Variants in APP observed in about 807,000 individuals in gnomAD.
APP encodes amyloid beta precursor protein.
In APP, 31 loss-of-function variants were observed where a neutral mutation model predicts 101.4. The ratio of observed to expected loss-of-function variants is 0.31; its 90% CI spans 0.23 to 0.41. The LOEUF is 0.41. Among genes scored for constraint, APP ranks in the 10% least tolerant of loss-of-function variants. The pLI, the probability that APP is intolerant of heterozygous loss-of-function variation, is 1.00. For synonymous variants in APP, 366 were observed against 364.4 expected (o/e 1.00, Z -0.05); for missense variants, 839 against 1,003.7 (o/e 0.84, Z 2.22).
intron 13 of APP, among the ~76,000 whole-genome samples, chr21:25,932,533 T>C (rs1456457806): frequency 2.0e-5 from 3 of 152,082 alleles, no homozygotes; most frequent in Non-Finnish European, 4.4e-5. Flanking sequence ...CTCACAACAA[T>C]CTCTTCAAAC....
At position 25,880,602 on chromosome 21, in the gene APP, G is replaced by A. The variant is rs1296018192; in HGVS notation, c.*1068C>T. On this transcript the variant is annotated 3_prime_UTR_variant, in exon 18 of 18. Transcript: ENST00000346798. ...ATGAAAACACCATTTTATACAAATT[G>A]AAGACACATCTTAAAAGAAGGGTTT... The A allele has an allele frequency of 6.6e-6, 1 of 152,170 alleles. No homozygotes were observed. Among genetic ancestry groups the A allele is most frequent in the East Asian group, 1.9e-4 (1 of 5,184 alleles). The allele number at this position is 152,170 out of a possible 1,614,324, so 9.4% of individuals were successfully genotyped here.
At chr21:26,169,890 G>C (rs750145189) in intron 1 of APP, among the ~76,000 whole-genome samples, 8 of 152,228 alleles carry the variant, frequency 5.3e-5, no homozygotes, top group Non-Finnish European at 1.2e-4. Context: ...ACACAAAAGG[G>C]AGACGCGGAC....
chr21:26,014,822 G>A (rs1398568244), intron 6 of APP, among the ~76,000 whole-genome samples: 1 of 152,180 alleles, frequency 6.6e-6, no homozygotes, highest in Admixed American at 6.5e-5. Context: ...CCCAATATAA[G>A]CAATATTCGG....
chr21:26,149,112 C>T, intron 1 of APP, among the ~76,000 whole-genome samples: 1 of 152,194 alleles, frequency 6.6e-6, no homozygotes, highest in East Asian at 1.9e-4. Context: ...AACTGAGGGC[C>T]TTACTGATTA....
intron 9 of APP, among the ~76,000 whole-genome samples, chr21:25,981,855 A>G (rs1033214995): frequency 1.3e-4 from 20 of 151,718 alleles, no homozygotes; most frequent in Admixed American, 1.1e-3. Context: ...TCGAACCTCT[A>G]TTCCACTATG....
intron 1 of APP, among the ~76,000 whole-genome samples, chr21:26,142,533 T>C (rs1045711962): frequency 2.6e-5 from 4 of 152,124 alleles, no homozygotes; most frequent in Admixed American, 1.3e-4. Flanking sequence ...CTTTGGGAGA[T>C]AGAGGTCGGA....
At chr21:26,052,923 G>A (rs745464335) in intron 4 of APP, among the ~76,000 whole-genome samples, 1 of 152,094 alleles carries the variant, frequency 6.6e-6, no homozygotes, top group Non-Finnish European at 1.5e-5. Flanking sequence ...TTTAAGTTGC[G>A]AAACACGGCA....
At chr21:25,885,768 G>A (rs1238633419) in intron 17 of APP, among the ~76,000 whole-genome samples, 1 of 152,056 alleles carries the variant, frequency 6.6e-6, no homozygotes, top group Non-Finnish European at 1.5e-5. Flanking sequence ...ACACTCTTTG[G>A]CTAACCTCCA....
Position 26,094,114 on chromosome 21 carries a change from C to CAA in APP, c.226-4044_226-4043dup, listed in dbSNP as rs539941515. Among the ~76,000 whole-genome samples, 24 of 73,160 alleles carry CAA rather than the reference C, an allele frequency of 3.3e-4. 1 individual carries two copies. The highest frequency in any genetic ancestry group is 2.1e-3 in the South Asian group (5 of 2,334). 48.0% of individuals were successfully genotyped at this position (73,160 alleles called of 152,430 possible). On this transcript the variant is annotated intron_variant, in intron 2 of 17. Coordinates refer to ENST00000346798, the MANE Select transcript of APP (RefSeq NM_000484.4). ...CTGGTGACAGAGCGAGACTCGGTCT[C>CAA]AAAAAAAAAAAAAAAAAAATTTGAA...
intron 11 of APP, among the ~76,000 whole-genome samples, chr21:25,971,884 A>C (rs1380375657): frequency 6.6e-6 from 1 of 152,238 alleles, no homozygotes; most frequent in African/African-American, 2.4e-5. Context: ...AAAGCTCAAA[A>C]GGATCAAACT....
intron 14 of APP, among the ~76,000 whole-genome samples, chr21:25,907,031 C>T (rs949215537): frequency 3.3e-5 from 5 of 152,158 alleles, no homozygotes; most frequent in African/African-American, 1.2e-4. Flanking sequence ...TTCTGAACTT[C>T]AGTTGTGTCA....
At chr21:26,095,386 A>G (rs2061919711) in intron 2 of APP, among the ~76,000 whole-genome samples, 1 of 152,246 alleles carries the variant, frequency 6.6e-6, no homozygotes, top group Non-Finnish European at 1.5e-5. Flanking sequence ...CATGCTGTAC[A>G]TGCTACCTGC....
intron 13 of APP, among the ~76,000 whole-genome samples, chr21:25,938,434 T>C (rs1312799877): frequency 6.6e-6 from 1 of 152,108 alleles, no homozygotes; most frequent in Non-Finnish European, 1.5e-5. Context: ...ATTTTTTTTT[T>C]CAATGAAAAT....
At position 25,970,023 on chromosome 21, in the gene APP, A is replaced by AAAAT. The variant is rs537557266; in HGVS notation, c.1458+5043_1458+5046dup. ...AACAGAGAAAGAGAGAGAGAGAGAG[A>AAAAT]AAATAAATAAATAAATAAATAAATC... On this transcript the variant is annotated intron_variant, in intron 11 of 17. Transcript: ENST00000346798. Among the ~76,000 whole-genome samples, 412 of 150,504 alleles carry AAAAT rather than the reference A, an allele frequency of 2.7e-3. 4 individuals carry two copies. Among genetic ancestry groups the AAAAT allele is most frequent in the African/African-American group, 8.6e-3 (349 of 40,588 alleles).
chr21:26,059,986 TG>T (rs1489847222), intron 3 of APP, among the ~76,000 whole-genome samples: 1 of 148,746 alleles, frequency 6.7e-6, no homozygotes, highest in East Asian at 2.0e-4. Context: ...ATGGCAGAAC[TG>T]GGAGAATTAA....
intron 5 of APP, among the ~76,000 whole-genome samples, chr21:26,027,801 G>C (rs1473754724): frequency 1.4e-5 from 2 of 144,352 alleles, no homozygotes; most frequent in African/African-American, 2.6e-5. Context: ...GGTTGAAAAG[G>C]GTTTCTTGTT....
At chr21:26,092,343 G>A (rs1024341018) in intron 2 of APP, among the ~76,000 whole-genome samples, 1 of 152,208 alleles carries the variant, frequency 6.6e-6, no homozygotes, top group East Asian at 1.9e-4. Flanking sequence ...ACACTAAAAG[G>A]AAATGGGCTA....
intron 3 of APP, 64 bp downstream of exon 3, chr21:26,089,878 TC>T: frequency 6.2e-7 from 1 of 1,608,632 alleles, no homozygotes; most frequent in Non-Finnish European, 8.5e-7. Context: ...AACAGGAGCA[TC>T]CTCTTTTTCT....
chr21:26,112,066 A>G lies in APP; in HGVS notation c.138T>C (p.Asn46=), dbSNP rs1371712160. The G allele has an allele frequency of 6.2e-7, 1 of 1,614,130 alleles. No individual in the cohort carries two copies. The highest frequency in any genetic ancestry group is 8.5e-7 in the Non-Finnish European group (1 of 1,180,012). Residue 46 remains asparagine (N), a synonymous_variant, in exon 2 of 18, where the codon AAT becomes AAC. Transcript: ENST00000346798. ...MFCGRLNMHM[N]VQNGKWDSDP... is the part of the protein sequence containing the mutation. ...CTGAATCCCACTTCCCATTCTGGAC[A>G]TTCATGTGCATGTTCAGTCTGCCAC...
Sources: gnomAD v4.1 joint callset for allele counts (sites outside exome capture counted in the v4.1 genomes callset) on GRCh38, gnomAD v4.1.1 for gene constraint, MANE v1.5 for transcripts, NCBI Gene and HGNC (gene_info 2026-07-23, HGNC 2026-07-21) for gene names.